ADGRV1: variants seen among roughly 807,000 people sequenced by gnomAD.
ADGRV1 encodes the protein adhesion G protein-coupled receptor V1.
ADGRV1 carries 359 observed loss-of-function variants against 596.2 expected under a neutral mutation model. The ratio of observed to expected loss-of-function variants is 0.60; its 90% confidence interval spans 0.55 to 0.66. ADGRV1 has a LOEUF of 0.66. Ranked by LOEUF, ADGRV1 falls within the 30% of genes least tolerant of loss-of-function variation. The pLI, the probability that ADGRV1 is intolerant of heterozygous loss-of-function variation, is 0.00. For synonymous variants in ADGRV1, 2,681 were observed against 2,679.2 expected, an observed-to-expected ratio of 1.00 and a Z score of -0.02; for missense variants, 7,274 against 7,575.6, an observed-to-expected ratio of 0.96 and a Z score of 1.48.
intron 85 of ADGRV1, among the ~76,000 whole-genome samples, chr5:91,008,711 G>A (rs1217086313): frequency 6.6e-6 from 1 of 151,822 alleles, no homozygotes; most frequent in African/African-American, 2.4e-5. Flanking sequence ...ACCATGTTGA[G>A]GCGGGTCACA....
At position 90,643,968 on chromosome 5, in the gene ADGRV1, G is replaced by A; in HGVS notation, c.2719G>A (p.Asp907Asn). 1 of 1,600,862 alleles carries A rather than the reference G, an allele frequency of 6.2e-7. No individual in the cohort carries two copies. The highest frequency in any genetic ancestry group is 8.5e-7 in the Non-Finnish European group (1 of 1,170,262). ...LIVMINESKG[D>N]AIYSAVYDVV... ...TGTGATGATAAATGAAAGCAAAGGA[G>A]ATGCTATCTATAGTGGTAATTTATT... The change falls in exon 14 of 90, where the codon GAT (aspartate) becomes AAT (asparagine). Residue 907 changes from aspartate (D) to asparagine (N), a missense_variant. Physicochemically the swap from Asp to Asn is conservative, Grantham distance 23. This residue lies in a region of ADGRV1 where 1,715 missense variants were observed against 1,708.8 expected (regional missense o/e 1.00). Transcript: ENST00000405460.
chr5:90,617,718 T>C, intron 2 of ADGRV1, 86 bp from the exon 3 acceptor site: 1 of 1,135,532 alleles, frequency 8.8e-7, no homozygotes, highest in Non-Finnish European at 1.2e-6. Flanking sequence ...ATTTATGCTT[T>C]TTCTCTTGAT....
intron 83 of ADGRV1, among the ~76,000 whole-genome samples, chr5:90,885,832 G>A (rs1770227780): frequency 6.6e-6 from 1 of 151,920 alleles, no homozygotes; most frequent in Non-Finnish European, 1.5e-5. Flanking sequence ...TTAATACTCG[G>A]GTCTTGAGGC....
At chr5:91,133,853 G>T (rs1482471558) in intron 87 of ADGRV1, among the ~76,000 whole-genome samples, 1 of 152,060 alleles carries the variant, frequency 6.6e-6, no homozygotes. Flanking sequence ...TTAAAGAAAT[G>T]TATTTATCAT....
In ADGRV1 at chr5:90,688,718, A is replaced by G. The variant is rs79577953; in HGVS notation, c.6491-1143A>G. On this transcript the variant is annotated intron_variant, in intron 29 of 89. Transcript: ENST00000405460. ...GAATTTGAAAGCTATGATGACCAAA[A>G]TATGCACAAATCAATGAAAAGTAAA... 5.7e-4 allele frequency among the ~76,000 whole-genome samples: 87 copies of G among 152,312 alleles called. 1 individual carries two copies. The East Asian group carries it at 0.012, about 20-fold the overall frequency.
At chr5:90,796,426 GA>G (rs34623441) in intron 70 of ADGRV1, among the ~76,000 whole-genome samples, 12,495 of 148,164 alleles carry the variant, frequency 0.084, 1,126 homozygotes, top group African/African-American at 0.23. Flanking sequence ...CGAGATTAGA[GA>G]AAAAAAAAAT....
At chr5:90,721,927 G>A (rs541469475) in intron 45 of ADGRV1, among the ~76,000 whole-genome samples, 33 of 152,274 alleles carry the variant, frequency 2.2e-4, no homozygotes, top group African/African-American at 7.5e-4. Flanking sequence ...TGGATAGTAG[G>A]TACAGAAATA....
chr5:90,639,540 T>C (rs1416645533), intron 11 of ADGRV1, among the ~76,000 whole-genome samples: 1 of 152,134 alleles, frequency 6.6e-6, no homozygotes, highest in East Asian at 1.9e-4. Context: ...CTATCCCCTA[T>C]GGGTAAAAAT....
chr5:90,703,898 C>G (rs902008776), intron 35 of ADGRV1, 103 bp downstream of exon 35: 11 of 812,834 alleles, frequency 1.4e-5, no homozygotes, highest in Non-Finnish European at 1.9e-5. Flanking sequence ...TTATCTTTCT[C>G]TCTTCTCCAG....
intron 73 of ADGRV1, among the ~76,000 whole-genome samples, chr5:90,808,131 T>C (rs2150213482): frequency 6.6e-6 from 1 of 152,388 alleles, no homozygotes; most frequent in Non-Finnish European, 1.5e-5. Flanking sequence ...TATTACTTAT[T>C]TGGACCAGTG....
chr5:90,708,656 AC>A (rs1327854818), intron 38 of ADGRV1, among the ~76,000 whole-genome samples, 159 bp from the exon 39 acceptor site: 1 of 152,086 alleles, frequency 6.6e-6, no homozygotes, highest in Admixed American at 6.6e-5. Context: ...TAAGTTTAAT[AC>A]GTTTATGTTT....
chr5:90,831,160 A>G (rs1764484141), intron 77 of ADGRV1, among the ~76,000 whole-genome samples: 1 of 151,890 alleles, frequency 6.6e-6, no homozygotes, highest in African/African-American at 2.4e-5. Context: ...CCTGCAGATG[A>G]TCTTGAGACT....
intron 83 of ADGRV1, among the ~76,000 whole-genome samples, chr5:90,957,397 G>A (rs1777570204): frequency 6.6e-6 from 1 of 151,436 alleles, no homozygotes; most frequent in African/African-American, 2.4e-5. Flanking sequence ...CTGTATACCA[G>A]ATGAAAAAGA....
chr5:90,990,502 C>T (rs1780872129), intron 85 of ADGRV1, among the ~76,000 whole-genome samples: 1 of 152,126 alleles, frequency 6.6e-6, no homozygotes, highest in Admixed American at 6.5e-5. Flanking sequence ...AGGGTTCATA[C>T]TCCTATTATA....
intron 84 of ADGRV1, among the ~76,000 whole-genome samples, chr5:90,985,091 G>A (rs927116641): frequency 1.3e-5 from 2 of 152,064 alleles, no homozygotes; most frequent in African/African-American, 4.8e-5. Context: ...AGCAAATTAA[G>A]GCAAATAAAA....
At chr5:90,841,308 CTT>C (rs972130334) in intron 78 of ADGRV1, among the ~76,000 whole-genome samples, 2 of 152,094 alleles carry the variant, frequency 1.3e-5, no homozygotes, top group African/African-American at 4.8e-5. Context: ...GGCCAATTAA[CTT>C]TGTAGTTTGA....
chr5:90,634,174 CTG>C (rs1303063304), intron 9 of ADGRV1, among the ~76,000 whole-genome samples: 4 of 152,174 alleles, frequency 2.6e-5, no homozygotes, highest in African/African-American at 7.2e-5. Context: ...GAAGTGAACA[CTG>C]TGTGCATTGA....
At chr5:90,614,454 G>T (rs572505585) in intron 1 of ADGRV1, among the ~76,000 whole-genome samples, 2 of 151,996 alleles carry the variant, frequency 1.3e-5, no homozygotes, top group African/African-American at 4.8e-5. Flanking sequence ...CTGGTATTTC[G>T]TAGTTTTATT....
At chr5:90,913,770 G>A (rs1272775044) in intron 83 of ADGRV1, among the ~76,000 whole-genome samples, 3 of 152,254 alleles carry the variant, frequency 2.0e-5, no homozygotes, top group Non-Finnish European at 4.4e-5. Flanking sequence ...TGAGTTCCAT[G>A]TGAGTGTTTA....
Sources: allele counts gnomAD v4.1 joint callset (sites outside exome capture counted in the v4.1 genomes callset), GRCh38; gene constraint gnomAD v4.1.1; regional missense constraint gnomAD v4.1.1; transcripts MANE v1.5; gene names NCBI Gene and HGNC (gene_info 2026-07-23, HGNC 2026-07-21).